The following WIPF1 variants were observed in gnomAD, a reference collection of about 807,000 sequenced individuals.
WIPF1 encodes the protein WAS/WASL interacting protein family member 1, also known as WAS/WASL-interacting protein family member 1.
Under a neutral mutation model 35.4 loss-of-function variants are expected in WIPF1, and 13 were observed. The observed-to-expected ratio is 0.37, with a 90% CI of 0.24 to 0.58. WIPF1 has a LOEUF of 0.58. Ranked by LOEUF, WIPF1 falls within the 20% of genes least tolerant of loss-of-function variation. WIPF1 has a pLI of 0.74. For missense variants in WIPF1, 591 were observed against 667.0 expected (o/e 0.89, Z 1.25); for synonymous variants, 267 against 266.3 (o/e 1.00, Z -0.02).
intron 1 of WIPF1, among the ~76,000 whole-genome samples, chr2:174,606,874 C>A (rs1473286078): frequency 2.0e-5 from 3 of 152,182 alleles, no homozygotes; most frequent in Admixed American, 2.0e-4. Flanking sequence ...TAACAGAATA[C>A]TGGCGACTGA....
At chr2:174,657,227 G>A (rs1200188103) in intron 1 of WIPF1, among the ~76,000 whole-genome samples, 2 of 152,092 alleles carry the variant, frequency 1.3e-5, no homozygotes, top group African/African-American at 4.8e-5. Context: ...TCTGTCTTTT[G>A]TAAAAAACCA....
chr2:174,681,579 T>C (rs1275790363), intron 1 of WIPF1, among the ~76,000 whole-genome samples: 5 of 152,208 alleles, frequency 3.3e-5, no homozygotes, highest in Non-Finnish European at 5.9e-5. Flanking sequence ...TGAAATTGCT[T>C]TGGGAAGCTG....
intron 1 of WIPF1, among the ~76,000 whole-genome samples, chr2:174,646,805 G>A (rs988692905): frequency 2.6e-5 from 4 of 152,112 alleles, no homozygotes; most frequent in African/African-American, 9.7e-5. Flanking sequence ...AGTAGAGACA[G>A]GGTTTTGCCA....
At chr2:174,620,942 G>A (rs1686654469) in intron 1 of WIPF1, among the ~76,000 whole-genome samples, 1 of 152,206 alleles carries the variant, frequency 6.6e-6, no homozygotes. Context: ...AAACACAGCA[G>A]CCTGGGAAAA....
intron 1 of WIPF1, among the ~76,000 whole-genome samples, chr2:174,595,109 A>AAAAAAAAAAATATATAT (rs1553529785): frequency 1.7e-5 from 1 of 57,750 alleles, no homozygotes; most frequent in Non-Finnish European, 2.8e-5. Context: ...AAAAAAAAAA[A>AAAAAAAAAAATATATAT]ATATATATAT....
intron 1 of WIPF1, among the ~76,000 whole-genome samples, chr2:174,628,651 T>C (rs564494129): frequency 3.0e-4 from 46 of 152,336 alleles, no homozygotes; most frequent in African/African-American, 1.1e-3. Flanking sequence ...CTGGCCTCTG[T>C]AGATCCCAGA....
intron 7 of WIPF1, chr2:174,566,751 G>C (rs867601190): frequency 3.6e-4 from 85 of 239,412 alleles, no homozygotes; most frequent in Middle Eastern, 1.4e-3. Flanking sequence ...AGAAGGAATA[G>C]AAGATGGCTC....
intron 1 of WIPF1, among the ~76,000 whole-genome samples, chr2:174,649,286 T>C (rs1389693452): frequency 3.3e-5 from 5 of 152,224 alleles, no homozygotes; most frequent in Non-Finnish European, 7.3e-5. Flanking sequence ...TGTTTTATTA[T>C]GTTTGAGACA....
intron 1 of WIPF1, among the ~76,000 whole-genome samples, chr2:174,659,388 G>C (rs1288806329): frequency 3.3e-5 from 5 of 152,194 alleles, no homozygotes; most frequent in Non-Finnish European, 2.9e-5. Flanking sequence ...TATAGTGCAT[G>C]GGACAATTTC....
chr2:174,587,390 A>G (rs1685459041), intron 1 of WIPF1: 1 of 152,186 alleles, frequency 6.6e-6, no homozygotes, highest in African/African-American at 2.4e-5. Context: ...TAGTTCAACC[A>G]CTACAAGTTA....
intron 1 of WIPF1, among the ~76,000 whole-genome samples, chr2:174,668,582 G>A (rs1032687039): frequency 3.9e-5 from 6 of 152,196 alleles, no homozygotes; most frequent in African/African-American, 1.4e-4. Flanking sequence ...AGTCTTAGGG[G>A]ACATTTAGAA....
In WIPF1 at chr2:174,585,609, A is replaced by C. The variant is rs1361056659; in HGVS notation, c.-36T>G. On this transcript the variant is annotated splice_region_variant and 5_prime_UTR_variant, in exon 2 of 8. In the 5' UTR this introduces an upstream ATG that the reference lacks. Coordinates refer to ENST00000679041, the MANE Select transcript of WIPF1 (RefSeq NM_001375834.1). ...TATGCGTTCAACAGTCTTGCTGATA[A>C]ATCTGGAAAAACAAGAATGCGATCA... The C allele has an allele frequency of 6.2e-7, 1 of 1,603,506 alleles. No homozygotes were observed. Among genetic ancestry groups the C allele is most frequent in the East Asian group, 2.2e-5 (1 of 44,794 alleles).
chr2:174,642,233 C>T (rs1217790679), intron 1 of WIPF1, among the ~76,000 whole-genome samples: 1 of 152,166 alleles, frequency 6.6e-6, no homozygotes, highest in Non-Finnish European at 1.5e-5. Flanking sequence ...AGCAGCTCTC[C>T]TAGGGACCCT....
chr2:174,648,747 G>A (rs1559172048), intron 1 of WIPF1, among the ~76,000 whole-genome samples: 1 of 152,152 alleles, frequency 6.6e-6, no homozygotes, highest in Non-Finnish European at 1.5e-5. Flanking sequence ...GTGTGCTATG[G>A]AATGTACAAT....
intron 1 of WIPF1, among the ~76,000 whole-genome samples, chr2:174,620,948 G>C (rs2105914953): frequency 6.6e-6 from 1 of 152,340 alleles, no homozygotes; most frequent in East Asian, 1.9e-4. Context: ...AGCAGCCTGG[G>C]AAAATTAGTG....
At chr2:174,672,697 G>A (rs758191247) in intron 1 of WIPF1, among the ~76,000 whole-genome samples, 1 of 152,182 alleles carries the variant, frequency 6.6e-6, no homozygotes, top group Non-Finnish European at 1.5e-5. Flanking sequence ...TTAATGGTGT[G>A]TCCCATCGGA....
At chr2:174,630,598 T>TC (rs1686989040) in intron 1 of WIPF1, 2 of 152,168 alleles carry the variant, frequency 1.3e-5, no homozygotes, top group African/African-American at 4.8e-5. Flanking sequence ...AGCTTTTTTT[T>TC]CCCCTTTAAA....
intron 1 of WIPF1, among the ~76,000 whole-genome samples, chr2:174,628,284 T>C (rs1019947930): frequency 1.8e-4 from 28 of 152,212 alleles, no homozygotes; most frequent in African/African-American, 6.8e-4. Flanking sequence ...TAAGGATGGC[T>C]AACCCTTCTG....
chr2:174,674,887 A>G (rs1485982373), intron 1 of WIPF1, among the ~76,000 whole-genome samples: 1 of 146,778 alleles, frequency 6.8e-6, no homozygotes, highest in East Asian at 2.0e-4. Context: ...AGCTTCTGTA[A>G]GTTGGCAGGT....
Sources: allele counts gnomAD v4.1 joint callset (sites outside exome capture counted in the v4.1 genomes callset), GRCh38; gene constraint gnomAD v4.1.1; transcripts MANE v1.5; gene names NCBI Gene and HGNC (gene_info 2026-07-23, HGNC 2026-07-21).